PLEKHS1: variants seen among roughly 807,000 people sequenced by gnomAD.
The protein encoded by PLEKHS1 is pleckstrin homology domain containing S1, also known as pleckstrin homology domain-containing family S member 1.
Under a neutral mutation model 51.0 loss-of-function variants are expected in PLEKHS1, and 55 were observed. The ratio of observed to expected loss-of-function variants is 1.08; its 90% CI spans 0.87 to 1.35. PLEKHS1 has a LOEUF of 1.35. Ranked by LOEUF, PLEKHS1 falls within the 40% of genes most tolerant of loss-of-function variation. The probability of loss-of-function intolerance (pLI) is 0.00; values close to 1 mark genes in which losing one functional copy is unlikely to be tolerated. For synonymous variants in PLEKHS1, 153 were observed against 144.8 expected, an observed-to-expected ratio of 1.06 and a Z score of -0.41; for missense variants, 398 against 423.0, an observed-to-expected ratio of 0.94 and a Z score of 0.52.
chr10:113,767,525 AAAAC>A (rs770453176), intron 5 of PLEKHS1, 46 bp downstream of exon 5: 20 of 1,551,378 alleles, frequency 1.3e-5, no homozygotes, highest in Non-Finnish European at 1.6e-5. Context: ...ATGCAAAACA[AAAAC>A]AAACCAAAAA....
chr10:113,752,872 G>A (rs1329304430), intron 1 of PLEKHS1, among the ~76,000 whole-genome samples: 3 of 152,302 alleles, frequency 2.0e-5, no homozygotes, highest in South Asian at 4.1e-4. Flanking sequence ...TTATTTGGGA[G>A]TGTCCATGAG....
intron 2 of PLEKHS1, among the ~76,000 whole-genome samples, chr10:113,756,068 A>C (rs1209845481): frequency 2.0e-5 from 3 of 152,254 alleles, no homozygotes; most frequent in Non-Finnish European, 4.4e-5. Flanking sequence ...AGCTAAGTTT[A>C]GGATGAAGTC....
In PLEKHS1 at chr10:113,775,738, T is replaced by C. The variant is rs753311424; in HGVS notation, c.990-27T>C. ...GAGAGCCAAGGTCAGTTGCCTGATGTGACTTTTACAAATGTCTTGTTCATA... is the reference window on the plus strand; with the variant it reads ...GAGAGCCAAGGTCAGTTGCCTGATGCGACTTTTACAAATGTCTTGTTCATA... On this transcript the variant is annotated intron_variant, in intron 10 of 11. Coordinates refer to ENST00000361048, the Ensembl canonical transcript of PLEKHS1. 9 of 1,558,910 alleles carry C rather than the reference T, an allele frequency of 5.8e-6. No individual in the cohort carries two copies. In the South Asian group the frequency reaches 5.8e-5, roughly 10 times the overall value.
rs1430431819 is a variant in PLEKHS1 at position 113,768,908 on chromosome 10, AT to A, written c.435+19del. 1 of 1,588,358 alleles carries A rather than the reference AT, an allele frequency of 6.3e-7. No individual in the cohort carries two copies. The highest frequency in any genetic ancestry group is 1.4e-5 in the African/African-American group (1 of 73,752). ...ACACAGAGGTGACTCCATATCACTA[AT>A]AAAATAACAGGGCACCTGAACACAA... On this transcript the variant is annotated intron_variant, in intron 6 of 11. Coordinates refer to ENST00000361048, the Ensembl canonical transcript of PLEKHS1.
At chr10:113,757,735 A>G (rs114956980) in intron 2 of PLEKHS1, among the ~76,000 whole-genome samples, 1,899 of 152,348 alleles carry the variant, frequency 0.012, 50 homozygotes, top group African/African-American at 0.043. Flanking sequence ...GTGCTGTTTG[A>G]TAACATTTTA....
chr10:113,754,904 C>A (rs1854033187), intron 1 of PLEKHS1, among the ~76,000 whole-genome samples: 1 of 152,220 alleles, frequency 6.6e-6, no homozygotes, highest in African/African-American at 2.4e-5. Context: ...GGCATCCTGC[C>A]CTTTGCCCTG....
chr10:113,772,143 A>G (rs997391740), intron 8 of PLEKHS1, 54 bp downstream of exon 8: 17 of 1,594,922 alleles, frequency 1.1e-5, no homozygotes, highest in Non-Finnish European at 1.5e-5. Flanking sequence ...ATTTACTGAA[A>G]CCCTGCCATG....
In PLEKHS1 at chr10:113,767,489, G is replaced by A; in HGVS notation, c.359+10G>A. ...TCATTGGCCACGACAGGTGAGAGAA[G>A]TAAGATAACACAGAATATCTACTGC... On this transcript the variant is annotated intron_variant, in intron 5 of 11. Transcript: ENST00000361048. 1 of 1,599,492 alleles carries A rather than the reference G, an allele frequency of 6.3e-7. No homozygotes were observed. The highest frequency in any genetic ancestry group is 8.5e-7 in the Non-Finnish European group (1 of 1,175,156).
At chr10:113,782,170 T>C (rs1409422840) in exon 12 of PLEKHS1, 1 of 152,122 alleles carries the variant, frequency 6.6e-6, no homozygotes, top group Non-Finnish European at 1.5e-5. Flanking sequence ...AGAAAGAGTA[T>C]TTTACCATGC....
rs140852030 is a variant in PLEKHS1, at chr10:113,771,090, A to G, written c.553-880A>G. Among the ~76,000 whole-genome samples the G allele has an allele frequency of 3.1e-3, 476 of 152,320 alleles. 2 individuals are homozygous for G. Among genetic ancestry groups the G allele is most frequent in the African/African-American group, 0.011 (454 of 41,566 alleles). ...TGTTCTTGGAATTTTTCTGCCATGC[A>G]AAGAAGCTACTTTAGTAGAATATTC... is the stretch of plus-strand genomic sequence containing the variant. On this transcript the variant is annotated intron_variant, in intron 7 of 11. Transcript: ENST00000361048.
At chr10:113,754,881 ACGTTGGCTC>A (rs1469132093) in intron 1 of PLEKHS1, among the ~76,000 whole-genome samples, 1 of 152,194 alleles carries the variant, frequency 6.6e-6, no homozygotes, top group African/African-American at 2.4e-5. Flanking sequence ...TTTCTCGGCT[ACGTTGGCTC>A]CATGGCATCC....
exon 12 of PLEKHS1, chr10:113,780,801 A>T: frequency 6.5e-7 from 1 of 1,537,348 alleles, no homozygotes; most frequent in African/African-American, 1.4e-5. Flanking sequence ...GACCCATGGC[A>T]GCAGAACCAG....
intron 2 of PLEKHS1, among the ~76,000 whole-genome samples, chr10:113,762,532 C>T (rs1007860285): frequency 1.3e-5 from 2 of 151,346 alleles, no homozygotes; most frequent in Non-Finnish European, 3.0e-5. Context: ...AATTCTGATA[C>T]CTTGTGTTTT....
chr10:113,769,786 G>A, exon 7 of PLEKHS1: 1 of 1,604,366 alleles, frequency 6.2e-7, no homozygotes, highest in Non-Finnish European at 8.5e-7. Flanking sequence ...GTGAGCAGGA[G>A]GAACTCTCAT....
At chr10:113,765,410 A>C in intron 2 of PLEKHS1, 1 of 779,370 alleles carries the variant, frequency 1.3e-6, no homozygotes, top group Non-Finnish European at 2.4e-6. Context: ...ACTTTTTCTG[A>C]ATCTCTGATG....
intron 1 of PLEKHS1, among the ~76,000 whole-genome samples, chr10:113,753,202 G>T (rs1853928256): frequency 6.6e-6 from 1 of 152,038 alleles, no homozygotes; most frequent in South Asian, 2.1e-4. Flanking sequence ...CACTCATTAG[G>T]CTAACAGCTG....
chr10:113,764,080 G>A lies in PLEKHS1; in HGVS notation c.29-2331G>A, dbSNP rs183916842. On this transcript the variant is annotated intron_variant, in intron 2 of 11. Transcript: ENST00000361048. ...AATTTTGAATGAGAGTATTTTTTCA[G>A]TACTTTAAATATAGTTTGCTTGTTT... Among the ~76,000 whole-genome samples, 4 of 152,104 alleles carry A rather than the reference G, an allele frequency of 2.6e-5. No homozygotes were observed. In the East Asian group the frequency reaches 7.7e-4, roughly 29 times the overall value.
chr10:113,765,162 A>C (rs1049129771), intron 2 of PLEKHS1: 2 of 437,344 alleles, frequency 4.6e-6, no homozygotes, highest in Admixed American at 7.7e-5. Context: ...TGTTTCCTGA[A>C]TATCTTTGTA....
intron 11 of PLEKHS1, 71 bp from the exon 12 acceptor site, chr10:113,777,053 G>C (rs1844700012): frequency 1.3e-6 from 2 of 1,568,708 alleles, no homozygotes; most frequent in Non-Finnish European, 1.7e-6. Flanking sequence ...AGAATCAGGA[G>C]ACCCTGCGTG....
Sources: gnomAD v4.1 joint callset for allele counts (sites outside exome capture counted in the v4.1 genomes callset) on GRCh38, gnomAD v4.1.1 for gene constraint, MANE v1.5 for transcripts, NCBI Gene and HGNC (gene_info 2026-07-23, HGNC 2026-07-21) for gene names.